Variants in FSTL4 observed in about 807,000 individuals in gnomAD.
The protein encoded by FSTL4 is follistatin-related protein 4.
FSTL4 carries 28 observed loss-of-function variants against 78.2 expected under a neutral mutation model. That is an observed-to-expected ratio of 0.36 (90% CI 0.27 to 0.49). The LOEUF is 0.49. Ranked by LOEUF, FSTL4 falls within the 20% of genes least tolerant of loss-of-function variation. The probability of loss-of-function intolerance (pLI) is 0.98; values close to 1 mark genes in which losing one functional copy is unlikely to be tolerated. For synonymous variants in FSTL4, 422 were observed against 440.5 expected, an observed-to-expected ratio of 0.96 and a Z score of 0.53; for missense variants, 922 against 1,084.9, an observed-to-expected ratio of 0.85 and a Z score of 2.11.
intron 3 of FSTL4, among the ~76,000 whole-genome samples, chr5:133,510,898 G>C (rs1386619072): frequency 3.9e-5 from 6 of 152,046 alleles, no homozygotes; most frequent in African/African-American, 1.4e-4. Context: ...TGTGAGATGG[G>C]GACATGAAAG....
the FSTL4 span, among the ~76,000 whole-genome samples, chr5:133,690,971 A>C: frequency 2.6e-5 from 4 of 152,184 alleles, no homozygotes; most frequent in African/African-American, 9.7e-5. Context: ...TCCATAAAAG[A>C]TGAGCTAACT....
the FSTL4 span, among the ~76,000 whole-genome samples, chr5:133,841,691 C>T: frequency 6.6e-6 from 1 of 152,216 alleles, no homozygotes; most frequent in African/African-American, 2.4e-5. Flanking sequence ...ACACACAGCA[C>T]AGGGCCAGCA....
At chr5:133,250,408 C>T (rs1176507993) in intron 6 of FSTL4, among the ~76,000 whole-genome samples, 1 of 152,136 alleles carries the variant, frequency 6.6e-6, no homozygotes, top group Non-Finnish European at 1.5e-5. Context: ...TTTTGCTCTT[C>T]CCCCAAATCT....
intron 3 of FSTL4, among the ~76,000 whole-genome samples, chr5:133,542,961 G>C (rs753827268): frequency 2.8e-5 from 4 of 142,062 alleles, no homozygotes; most frequent in Admixed American, 7.0e-5. Context: ...TTTTATTATT[G>C]TTCTTTATTA....
the FSTL4 span, among the ~76,000 whole-genome samples, chr5:133,692,562 G>A: frequency 1.3e-5 from 2 of 152,176 alleles, no homozygotes; most frequent in African/African-American, 2.4e-5. Context: ...AAATTGACAC[G>A]GAGAACCCCT....
At chr5:133,760,529 TC>T in the FSTL4 span, among the ~76,000 whole-genome samples, 3 of 152,292 alleles carry the variant, frequency 2.0e-5, no homozygotes, top group East Asian at 5.8e-4. Flanking sequence ...GACAGGGCGA[TC>T]TCCATTTAAG....
At chr5:133,614,445 C>G (rs1328100646), upstream of FSTL4, among the ~76,000 whole-genome samples, 1 of 152,200 alleles carries the variant, frequency 6.6e-6, no homozygotes, top group East Asian at 1.9e-4. Flanking sequence ...CTGAAGTGAG[C>G]TGTTTAACTA....
intron 4 of FSTL4, among the ~76,000 whole-genome samples, chr5:133,380,163 G>C (rs970822485): frequency 6.6e-6 from 1 of 151,648 alleles, no homozygotes; most frequent in African/African-American, 2.4e-5. Context: ...CCCAAAACAA[G>C]CAGGGCAAGC....
At chr5:133,689,229 C>T in the FSTL4 span, among the ~76,000 whole-genome samples, 2 of 152,304 alleles carry the variant, frequency 1.3e-5, no homozygotes, top group South Asian at 4.2e-4. Flanking sequence ...CAACAATCTC[C>T]TCAGGGCTCA....
At chr5:133,559,686 G>C (rs1339050292) in intron 3 of FSTL4, among the ~76,000 whole-genome samples, 1 of 152,238 alleles carries the variant, frequency 6.6e-6, no homozygotes, top group Non-Finnish European at 1.5e-5. Context: ...CGAGTGATTA[G>C]GGGTTCATTA....
intron 6 of FSTL4, among the ~76,000 whole-genome samples, chr5:133,256,027 C>T (rs748786863): frequency 6.6e-6 from 1 of 152,158 alleles, no homozygotes; most frequent in Non-Finnish European, 1.5e-5. Context: ...CAGAAACACA[C>T]TAATGGAACA....
At chr5:133,463,104 A>C (rs1757630008) in intron 3 of FSTL4, among the ~76,000 whole-genome samples, 1 of 152,214 alleles carries the variant, frequency 6.6e-6, no homozygotes, top group South Asian at 2.1e-4. Flanking sequence ...CAATCACGGC[A>C]GGCCCAAGGC....
chr5:133,820,148 C>T, the FSTL4 span, among the ~76,000 whole-genome samples: 1 of 152,184 alleles, frequency 6.6e-6, no homozygotes, highest in Non-Finnish European at 1.5e-5. Context: ...CTCCAGGGCC[C>T]CTTTCCACCC....
intron 14 of FSTL4, among the ~76,000 whole-genome samples, chr5:133,204,708 T>C (rs1242662218): frequency 1.3e-5 from 2 of 150,900 alleles, no homozygotes; most frequent in Non-Finnish European, 2.9e-5. Context: ...GGCATGTACC[T>C]GTAATCCCAG....
At chr5:133,200,773 G>A (rs1750296042) in intron 15 of FSTL4, among the ~76,000 whole-genome samples, 1 of 152,152 alleles carries the variant, frequency 6.6e-6, no homozygotes, top group African/African-American at 2.4e-5. Context: ...AATCTCTTCT[G>A]TAGTTTTCTC....
upstream of FSTL4, among the ~76,000 whole-genome samples, chr5:133,615,176 G>A (rs952133131): frequency 7.2e-5 from 11 of 152,308 alleles, no homozygotes; most frequent in Middle Eastern, 3.4e-3. Context: ...TTACCCTTGG[G>A]AGTCCCCACT....
At chr5:133,327,131 C>A (rs181382879) in intron 4 of FSTL4, among the ~76,000 whole-genome samples, 1 of 152,334 alleles carries the variant, frequency 6.6e-6, no homozygotes, top group Non-Finnish European at 1.5e-5. Flanking sequence ...GGTCTTTCAA[C>A]CACATAACAC....
chr5:133,726,062 G>A, the FSTL4 span, among the ~76,000 whole-genome samples: 4 of 152,146 alleles, frequency 2.6e-5, no homozygotes, highest in African/African-American at 2.4e-5. Flanking sequence ...TCTCCAGAAC[G>A]CTGGGTGATC....
intron 6 of FSTL4, among the ~76,000 whole-genome samples, chr5:133,258,953 T>C (rs533369294): frequency 1.5e-4 from 23 of 152,252 alleles, no homozygotes; most frequent in African/African-American, 5.3e-4. Flanking sequence ...ATCCCCAGAA[T>C]ACCTTCTGTA....
Sources: allele counts gnomAD v4.1 joint callset (sites outside exome capture counted in the v4.1 genomes callset), GRCh38; gene constraint gnomAD v4.1.1; transcripts MANE v1.5; gene names NCBI Gene and HGNC (gene_info 2026-07-23, HGNC 2026-07-21).